ADAMTS3: variants seen among roughly 807,000 people sequenced by gnomAD.
The protein encoded by ADAMTS3 is ADAM metallopeptidase with thrombospondin type 1 motif 3.
ADAMTS3 carries 73 observed loss-of-function variants against 129.0 expected under a neutral mutation model. The observed-to-expected ratio is 0.57, with a 90% CI of 0.47 to 0.69. The LOEUF is 0.69. ADAMTS3 is among the 30% of genes least tolerant of loss of function. The pLI, the probability that ADAMTS3 is intolerant of heterozygous loss-of-function variation, is 0.00. For missense variants in ADAMTS3, 1,457 were observed against 1,514.5 expected (o/e 0.96, Z 0.63); for synonymous variants, 477 against 510.8 (o/e 0.93, Z 0.89).
intron 4 of ADAMTS3, among the ~76,000 whole-genome samples, chr4:72,342,054 T>C (rs1173158353): frequency 6.6e-6 from 1 of 152,210 alleles, no homozygotes; most frequent in Non-Finnish European, 1.5e-5. Context: ...TGCAAAATTA[T>C]GGCAAAGCTA....
chr4:72,369,422 A>T (rs1720948413), intron 4 of ADAMTS3, among the ~76,000 whole-genome samples: 1 of 152,150 alleles, frequency 6.6e-6, no homozygotes, highest in Non-Finnish European at 1.5e-5. Flanking sequence ...AGTACTAAAA[A>T]AAATGTGACC....
intron 4 of ADAMTS3, among the ~76,000 whole-genome samples, chr4:72,368,859 G>T (rs1041805919): frequency 6.6e-6 from 1 of 152,160 alleles, no homozygotes; most frequent in South Asian, 2.1e-4. Context: ...ATGAACTTTA[G>T]AACATCACTA....
intron 4 of ADAMTS3, among the ~76,000 whole-genome samples, chr4:72,377,168 T>C (rs1387265536): frequency 1.3e-5 from 2 of 152,154 alleles, no homozygotes; most frequent in African/African-American, 2.4e-5. Context: ...CTTGAGCTCC[T>C]GTACCAGTGT....
At chr4:72,419,500 G>A (rs1280692627) in intron 3 of ADAMTS3, among the ~76,000 whole-genome samples, 3 of 152,284 alleles carry the variant, frequency 2.0e-5, no homozygotes, top group South Asian at 2.1e-4. Flanking sequence ...GTGGAGCAAA[G>A]GTTCTAAAGC....
chr4:72,370,231 G>T (rs1458639429), intron 4 of ADAMTS3, among the ~76,000 whole-genome samples: 1 of 152,110 alleles, frequency 6.6e-6, no homozygotes, highest in Non-Finnish European at 1.5e-5. Context: ...CCTCATCTGT[G>T]AACGGACCAG....
chr4:72,465,424 T>C (rs909725313), intron 3 of ADAMTS3, among the ~76,000 whole-genome samples: 3 of 151,986 alleles, frequency 2.0e-5, no homozygotes, highest in Non-Finnish European at 4.4e-5. Flanking sequence ...TTGCAGATGA[T>C]GGTACAAAGT....
intron 3 of ADAMTS3, among the ~76,000 whole-genome samples, chr4:72,432,517 G>C (rs569743963): frequency 2.0e-5 from 3 of 151,768 alleles, no homozygotes; most frequent in African/African-American, 7.3e-5. Flanking sequence ...TTCTGTAAAC[G>C]GTCCCTTCAT....
intron 2 of ADAMTS3, among the ~76,000 whole-genome samples, chr4:72,563,052 T>C (rs943598806): frequency 6.6e-6 from 1 of 152,180 alleles, no homozygotes; most frequent in African/African-American, 2.4e-5. Context: ...TAAAGAATGT[T>C]TTAAGATCAT....
At chr4:72,361,087 A>T (rs1720717070) in intron 4 of ADAMTS3, among the ~76,000 whole-genome samples, 6 of 152,090 alleles carry the variant, frequency 3.9e-5, no homozygotes, top group Admixed American at 3.9e-4. Flanking sequence ...TTATGTGTTT[A>T]TGTTTCCAGG....
At chr4:72,327,621 G>C (rs77443688) in intron 5 of ADAMTS3, among the ~76,000 whole-genome samples, 1 of 152,114 alleles carries the variant, frequency 6.6e-6, no homozygotes, top group African/African-American at 2.4e-5. Context: ...ATTAGTACAC[G>C]AGCAAGGGAT....
intron 3 of ADAMTS3, among the ~76,000 whole-genome samples, chr4:72,425,441 G>A (rs946227818): frequency 4.0e-5 from 6 of 151,866 alleles, no homozygotes; most frequent in East Asian, 1.9e-4. Context: ...CCATTAACTC[G>A]TCATTTAACA....
intron 3 of ADAMTS3, among the ~76,000 whole-genome samples, chr4:72,534,010 CAAAT>C (rs1228018051): frequency 1.3e-5 from 2 of 152,086 alleles, no homozygotes; most frequent in Non-Finnish European, 2.9e-5. Flanking sequence ...AATTAGAAGA[CAAAT>C]TTAGATATTG....
At chr4:72,314,350 A>G (rs1420004115) in intron 11 of ADAMTS3, among the ~76,000 whole-genome samples, 1 of 152,198 alleles carries the variant, frequency 6.6e-6, no homozygotes, top group Non-Finnish European at 1.5e-5. Flanking sequence ...GGTCATACAT[A>G]TATCATCAAC....
At chr4:72,486,175 T>C (rs1719587341) in intron 3 of ADAMTS3, among the ~76,000 whole-genome samples, 1 of 152,200 alleles carries the variant, frequency 6.6e-6, no homozygotes, top group African/African-American at 2.4e-5. Context: ...GTAGTAAATA[T>C]CATTTCTGTT....
At chr4:72,437,931 C>T (rs1717998033) in intron 3 of ADAMTS3, among the ~76,000 whole-genome samples, 1 of 151,566 alleles carries the variant, frequency 6.6e-6, no homozygotes. Context: ...AGATTTTTTT[C>T]CCATTAAATG....
chr4:72,567,274 C>T, intron 2 of ADAMTS3, 100 bp downstream of exon 2: 3 of 1,166,336 alleles, frequency 2.6e-6, no homozygotes, highest in Middle Eastern at 2.0e-4. Flanking sequence ...TTTTTTTTAA[C>T]CACCAGTGGG....
intron 3 of ADAMTS3, among the ~76,000 whole-genome samples, chr4:72,482,102 T>A (rs927487449): frequency 3.9e-5 from 6 of 152,012 alleles, no homozygotes; most frequent in Non-Finnish European, 7.4e-5. Flanking sequence ...GTCAACTTTT[T>A]AAAAAACTAA....
chr4:72,336,311 G>A (rs1719986852), intron 5 of ADAMTS3, among the ~76,000 whole-genome samples: 2 of 152,142 alleles, frequency 1.3e-5, no homozygotes, highest in Admixed American at 6.5e-5. Flanking sequence ...AAGTCTCTGT[G>A]TCTATGTAGG....
chr4:72,468,749 A>G (rs1718986562), intron 3 of ADAMTS3, among the ~76,000 whole-genome samples: 1 of 141,412 alleles, frequency 7.1e-6, no homozygotes, highest in African/African-American at 2.5e-5. Flanking sequence ...GGCATGTATT[A>G]TGAAAAAAAA....
Sources: allele counts gnomAD v4.1 joint callset (sites outside exome capture counted in the v4.1 genomes callset), GRCh38; gene constraint gnomAD v4.1.1; transcripts MANE v1.5; gene names NCBI Gene and HGNC (gene_info 2026-07-23, HGNC 2026-07-21).